Variants in SF3B3 observed in about 807,000 individuals in gnomAD.
SF3B3 encodes splicing factor 3b subunit 3.
A neutral mutation model predicts 139.2 loss-of-function variants in SF3B3; 33 were observed. The observed-to-expected ratio is 0.24, with a 90% CI of 0.18 to 0.32. The LOEUF is 0.32. Among genes scored for constraint, SF3B3 ranks in the 10% least tolerant of loss-of-function variants. SF3B3 has a pLI of 1.00. For missense variants in SF3B3, 818 were observed against 1,509.4 expected, an observed-to-expected ratio of 0.54 and a Z score of 7.59; for synonymous variants, 596 against 563.6, an observed-to-expected ratio of 1.06 and a Z score of -0.81.
intron 11 of SF3B3, among the ~76,000 whole-genome samples, chr16:70,551,710 A>C (rs1216378348): frequency 1.3e-5 from 2 of 152,132 alleles, no homozygotes; most frequent in Non-Finnish European, 2.9e-5. Context: ...CCAAAAAAAA[A>C]CTAATAAATT....
intron 1 of SF3B3, among the ~76,000 whole-genome samples, chr16:70,525,866 C>T (rs966377072): frequency 6.9e-6 from 1 of 143,908 alleles, no homozygotes; most frequent in Non-Finnish European, 1.5e-5. Context: ...GAGCCTGAGG[C>T]AGGAGAATGG....
chr16:70,566,969 G>A (rs959104101), intron 20 of SF3B3, among the ~76,000 whole-genome samples: 3 of 151,866 alleles, frequency 2.0e-5, no homozygotes, highest in Non-Finnish European at 2.9e-5. Context: ...AGGATCACCT[G>A]AGCCCAGGAA....
intron 5 of SF3B3, 48 bp downstream of exon 5, chr16:70,532,668 T>C: frequency 1.3e-6 from 2 of 1,584,966 alleles, no homozygotes; most frequent in Non-Finnish European, 1.7e-6. Context: ...TGGTTCATTT[T>C]ATGCCCAAAC....
Position 70,576,143 on chromosome 16 carries a change from C to T in SF3B3, c.*4330C>T, listed in dbSNP as rs1488479792. The T allele has an allele frequency of 3.3e-5, 5 of 151,808 alleles. No homozygotes were observed. In the East Asian group the frequency reaches 9.6e-4, roughly 29 times the overall value. 9.4% of individuals were successfully genotyped at this position (151,808 alleles called of 1,614,324 possible). The stretch of plus-strand genomic sequence containing the variant: ...CTGGGCATGTGTCTGCTTCACAGTC[C>T]AGTGTTATGATCAGTAGCTGTGATG... On this transcript the variant is annotated 3_prime_UTR_variant, in exon 26 of 26. Coordinates refer to ENST00000302516, the MANE Select transcript of SF3B3 (RefSeq NM_012426.5).
At chr16:70,541,870 C>T (rs758617852) in intron 9 of SF3B3, 36 bp downstream of exon 9, 67 of 1,570,832 alleles carry the variant, frequency 4.3e-5, no homozygotes, top group Middle Eastern at 1.7e-4. Context: ...CACAATAGAT[C>T]TAAAGTTAAA....
chr16:70,571,133 G>C lies in SF3B3; in HGVS notation c.3447G>C (p.Arg1149=). ...DFFQHVEMHL[R]SEHPPLCGRD... is the part of the protein sequence containing the mutation. ...TCCAGCATGTGGAAATGCACCTGCG[G>C]TCTGAACATCCCCCTCTCTGTGGGC... Residue 1149 remains arginine (R), a synonymous_variant, in exon 25 of 26, where the codon CGG becomes CGC. Coordinates refer to ENST00000302516, the MANE Select transcript of SF3B3 (RefSeq NM_012426.5). 1 of 1,614,086 alleles carries C rather than the reference G, an allele frequency of 6.2e-7. No homozygotes were observed. The highest frequency in any genetic ancestry group is 8.5e-7 in the Non-Finnish European group (1 of 1,179,992).
rs1026501643 is a variant in SF3B3 at position 70,575,138 on chromosome 16, T to C, written c.*3325T>C. ...GGCAGGTGTAGGCTACACACCAGTC[T>C]GAACCAGCACAACCAAGAGTTGTTT... On this transcript the variant is annotated 3_prime_UTR_variant, in exon 26 of 26. Transcript: ENST00000302516. 6.6e-6 allele frequency: 1 copy of C among 152,090 alleles called. No individual in the cohort carries two copies. The highest frequency in any genetic ancestry group is 2.1e-4 in the South Asian group (1 of 4,822). 9.4% of individuals were successfully genotyped at this position (152,090 alleles called of 1,614,324 possible).
intron 11 of SF3B3, among the ~76,000 whole-genome samples, chr16:70,552,719 C>A (rs2050339149): frequency 6.6e-6 from 1 of 152,116 alleles, no homozygotes; most frequent in Non-Finnish European, 1.5e-5. Flanking sequence ...TTTTCAGCCA[C>A]CACAGTAGGT....
intron 6 of SF3B3, among the ~76,000 whole-genome samples, chr16:70,536,788 G>A (rs2050172447): frequency 6.7e-6 from 1 of 149,870 alleles, no homozygotes; most frequent in Admixed American, 6.7e-5. Flanking sequence ...TGCCCTGCCA[G>A]TCTGGGCTAA....
intron 20 of SF3B3, 135 bp downstream of exon 20, chr16:70,565,659 C>G: frequency 2.6e-6 from 2 of 772,526 alleles, no homozygotes; most frequent in South Asian, 1.8e-5. Flanking sequence ...ATGGAAAATG[C>G]TGGGGCCTTC....
At chr16:70,538,481 C>A in intron 7 of SF3B3, 21 bp downstream of exon 7, 1 of 1,597,146 alleles carries the variant, frequency 6.3e-7, no homozygotes, top group Non-Finnish European at 8.6e-7. Context: ...CATGGATGGA[C>A]CAGTATAGCT....
intron 4 of SF3B3, 46 bp downstream of exon 4, chr16:70,530,963 G>GTT (rs528748107): frequency 2.0e-6 from 3 of 1,511,854 alleles, no homozygotes; most frequent in South Asian, 1.2e-5. Flanking sequence ...TCACCTCAGT[G>GTT]TTTTTTTTTA....
chr16:70,555,515 C>T lies in SF3B3; in HGVS notation c.1710+309C>T, dbSNP rs754448571. 2.0e-4 allele frequency among the ~76,000 whole-genome samples: 30 copies of T among 147,086 alleles called. 1 individual carries two copies. Among genetic ancestry groups the T allele is most frequent in the Non-Finnish European group, 3.9e-4 (26 of 67,242 alleles). Reference sequence around the variant, plus strand: ...AAAAAAAAAAAGCGAGCTGGAGTGACAGTGTTCACAAACCAGTTTGGTCCC... The same window carrying T: ...AAAAAAAAAAAGCGAGCTGGAGTGATAGTGTTCACAAACCAGTTTGGTCCC... On this transcript the variant is annotated intron_variant, in intron 13 of 25. Transcript: ENST00000302516.
chr16:70,546,987 C>T (rs1189674003), intron 10 of SF3B3, among the ~76,000 whole-genome samples: 1 of 151,640 alleles, frequency 6.6e-6, no homozygotes, highest in Admixed American at 6.6e-5. Flanking sequence ...AAGATCGCGC[C>T]ATTGCACTCG....
intron 18 of SF3B3, 49 bp downstream of exon 18, chr16:70,564,099 T>A: frequency 6.3e-7 from 1 of 1,585,748 alleles, no homozygotes; most frequent in Non-Finnish European, 8.6e-7. Context: ...TGTGAAATTA[T>A]GTTGAAAAGT....
chr16:70,525,810 A>C (rs1191878648), intron 1 of SF3B3, among the ~76,000 whole-genome samples: 1 of 151,736 alleles, frequency 6.6e-6, no homozygotes, highest in African/African-American at 2.4e-5. Flanking sequence ...AAATACAAAA[A>C]ATTAGCCGGG....
chr16:70,553,742 A>C (rs559341762), intron 11 of SF3B3, among the ~76,000 whole-genome samples: 2 of 152,260 alleles, frequency 1.3e-5, no homozygotes, highest in East Asian at 3.8e-4. Flanking sequence ...TCCTTGAGAA[A>C]CTCATTAGTG....
At chr16:70,536,727 A>T (rs536075827) in intron 6 of SF3B3, among the ~76,000 whole-genome samples, 1 of 151,372 alleles carries the variant, frequency 6.6e-6, no homozygotes, top group South Asian at 2.1e-4. Context: ...CCTGACCTCA[A>T]GTCATCTGCC....
Position 70,541,730 on chromosome 16 carries a change from A to G in SF3B3, c.1129A>G (p.Met377Val), listed in dbSNP as rs1220753186. ...DDEEPEFSSA[M>V]PLEEGDTFFF... ...TGAAGAACCTGAGTTTTCATCAGCC[A>G]TGCCTCTGGAAGAAGGAGACACATT... is the stretch of plus-strand genomic sequence containing the variant. The change falls in exon 9 of 26, where the codon ATG becomes GTG. Residue 377 changes from methionine (M) to valine (V), a missense_variant. Met to Val is a conservative substitution (Grantham distance 21). Around this residue, in one of 14 missense-constraint regions of SF3B3, gnomAD observed 80 missense variants for 206.5 expected, o/e 0.39. Transcript: ENST00000302516. The G allele has an allele frequency of 1.2e-6, 2 of 1,614,144 alleles. No individual in the cohort carries two copies. The highest frequency in any genetic ancestry group is 1.7e-6 in the Non-Finnish European group (2 of 1,179,962).
Sources: gnomAD v4.1 joint callset for allele counts (sites outside exome capture counted in the v4.1 genomes callset) on GRCh38, gnomAD v4.1.1 for gene constraint, gnomAD v4.1.1 regional missense constraint, MANE v1.5 for transcripts, NCBI Gene and HGNC (gene_info 2026-07-23, HGNC 2026-07-21) for gene names.